MARCHF1: variants seen among roughly 807,000 people sequenced by gnomAD.
MARCHF1 encodes E3 ubiquitin-protein ligase MARCHF1.
Under a neutral mutation model 54.2 loss-of-function variants are expected in MARCHF1, and 40 were observed. That is an observed-to-expected ratio of 0.74 (90% CI 0.57 to 0.96). The LOEUF (loss-of-function observed/expected upper bound fraction) is 0.96. Among genes scored for constraint, MARCHF1 ranks in the 40% least tolerant of loss-of-function variants. The pLI, the probability that MARCHF1 is intolerant of heterozygous loss-of-function variation, is 0.00. For missense variants in MARCHF1, 586 were observed against 656.5 expected (o/e 0.89, Z 1.17); for synonymous variants, 236 against 236.3 (o/e 1.00, Z 0.01).
intron 3 of MARCHF1, among the ~76,000 whole-genome samples, chr4:163,874,723 G>A (rs868523020): frequency 2.6e-5 from 4 of 152,094 alleles, no homozygotes; most frequent in Non-Finnish European, 4.4e-5. Flanking sequence ...TATGGGCCGA[G>A]CTATATTTTC....
At chr4:164,117,143 A>G (rs1755954756) in intron 1 of MARCHF1, among the ~76,000 whole-genome samples, 1 of 152,028 alleles carries the variant, frequency 6.6e-6, no homozygotes. Flanking sequence ...CTGTAATCCC[A>G]GCTACTTGGG....
intron 4 of MARCHF1, among the ~76,000 whole-genome samples, chr4:163,710,547 T>C (rs1745078279): frequency 6.6e-6 from 1 of 152,136 alleles, no homozygotes; most frequent in Admixed American, 6.6e-5. Flanking sequence ...TACACACTTA[T>C]AAAAGACTCT....
intron 1 of MARCHF1, among the ~76,000 whole-genome samples, chr4:164,123,037 G>C (rs1442128463): frequency 6.6e-6 from 1 of 152,098 alleles, no homozygotes; most frequent in African/African-American, 2.4e-5. Context: ...GTTTTCAGAT[G>C]ATATGATCTT....
At chr4:163,855,739 G>T (rs1285053985) in intron 3 of MARCHF1, among the ~76,000 whole-genome samples, 1 of 152,048 alleles carries the variant, frequency 6.6e-6, no homozygotes, top group Non-Finnish European at 1.5e-5. Flanking sequence ...GAACATAATT[G>T]TGTGGCCCAC....
chr4:163,812,574 A>G (rs923928414), intron 4 of MARCHF1, among the ~76,000 whole-genome samples: 2 of 152,100 alleles, frequency 1.3e-5, no homozygotes, highest in African/African-American at 4.8e-5. Context: ...CCTGGCCAAC[A>G]TGGTGAAACC....
chr4:164,325,763 GAAA>G (rs1735262605), intron 1 of MARCHF1, among the ~76,000 whole-genome samples: 1 of 151,366 alleles, frequency 6.6e-6, no homozygotes, highest in African/African-American at 2.4e-5. Context: ...CAGTGCTCAA[GAAA>G]GAAAACCTAA....
intron 5 of MARCHF1, among the ~76,000 whole-genome samples, chr4:163,670,377 T>G (rs1743691496): frequency 7.9e-6 from 1 of 126,528 alleles, no homozygotes; most frequent in South Asian, 2.5e-4. Flanking sequence ...TATCTATCTA[T>G]CTATCTGTCT....
At chr4:164,145,487 C>G (rs1729656228) in intron 1 of MARCHF1, among the ~76,000 whole-genome samples, 1 of 151,926 alleles carries the variant, frequency 6.6e-6, no homozygotes, top group African/African-American at 2.4e-5. Flanking sequence ...ATCAAGTGGG[C>G]TTCATCCCTG....
At chr4:163,558,470 T>C (rs1216108301) in intron 8 of MARCHF1, among the ~76,000 whole-genome samples, 1 of 152,200 alleles carries the variant, frequency 6.6e-6, no homozygotes, top group Non-Finnish European at 1.5e-5. Context: ...GGCTTCAGGA[T>C]GGGTCTTCTG....
chr4:163,856,446 T>C (rs1208047123), intron 3 of MARCHF1, among the ~76,000 whole-genome samples: 1 of 152,188 alleles, frequency 6.6e-6, no homozygotes, highest in Admixed American at 6.5e-5. Flanking sequence ...TAGTTTGAAC[T>C]TATTGGAATG....
intron 4 of MARCHF1, among the ~76,000 whole-genome samples, chr4:163,717,567 G>A (rs775049870): frequency 2.4e-3 from 357 of 149,142 alleles, no homozygotes; most frequent in African/African-American, 8.5e-3. Flanking sequence ...TTGAGGAATC[G>A]CCACACTGAC....
intron 1 of MARCHF1, among the ~76,000 whole-genome samples, chr4:164,354,198 G>A (rs1309140924): frequency 1.8e-5 from 2 of 112,914 alleles, no homozygotes; most frequent in Non-Finnish European, 3.9e-5. Flanking sequence ...GGAGGAACTG[G>A]TACCATTCGT....
chr4:163,942,083 A>G (rs575672257), intron 3 of MARCHF1, among the ~76,000 whole-genome samples: 4 of 152,300 alleles, frequency 2.6e-5, no homozygotes, highest in African/African-American at 9.6e-5. Flanking sequence ...TTTCATGAAC[A>G]ATAAAACAGC....
chr4:163,992,856 TTAAGTTATTTCTGAAAA>T (rs1752994628), intron 2 of MARCHF1, among the ~76,000 whole-genome samples: 3 of 151,240 alleles, frequency 2.0e-5, no homozygotes, highest in African/African-American at 7.3e-5. Context: ...GATAAGAACC[TTAAGTTATTTCTGAAAA>T]TAGAAACAAG....
At chr4:163,997,150 G>A (rs190977970) in intron 2 of MARCHF1, among the ~76,000 whole-genome samples, 3 of 152,002 alleles carry the variant, frequency 2.0e-5, no homozygotes, top group South Asian at 2.1e-4. Context: ...TGCAGTGAGG[G>A]CCAAGAGCAG....
intron 1 of MARCHF1, among the ~76,000 whole-genome samples, chr4:164,187,375 T>C (rs1291449145): frequency 6.6e-6 from 1 of 152,148 alleles, no homozygotes; most frequent in Non-Finnish European, 1.5e-5. Context: ...TTCTCTAAAG[T>C]GGAGGATGAG....
rs1218640774 is a variant in MARCHF1 at position 163,526,665 on chromosome 4, G to GTTAA, written c.*2079_*2082dup. ...TTAAGGTCCACATGTTTTTTAAAAC[G>GTTAA]TTAATTACTTATATCCTTATTTATA... On this transcript the variant is annotated 3_prime_UTR_variant, in exon 10 of 10. Coordinates refer to ENST00000514618, the MANE Select transcript of MARCHF1 (RefSeq NM_001394959.1). 6.6e-6 allele frequency: 1 copy of GTTAA among 151,796 alleles called. No homozygotes were observed. Among genetic ancestry groups the GTTAA allele is most frequent in the Non-Finnish European group, 1.5e-5 (1 of 67,854 alleles). 9.4% of individuals were successfully genotyped at this position (151,796 alleles called of 1,614,324 possible).
At chr4:164,313,002 C>T (rs998781477) in intron 1 of MARCHF1, among the ~76,000 whole-genome samples, 2 of 149,366 alleles carry the variant, frequency 1.3e-5, no homozygotes, top group Non-Finnish European at 2.9e-5. Flanking sequence ...ATTAAGGATG[C>T]CTTGTCTTTC....
At chr4:164,101,119 C>A (rs993839830) in intron 2 of MARCHF1, among the ~76,000 whole-genome samples, 1 of 152,200 alleles carries the variant, frequency 6.6e-6, no homozygotes, top group African/African-American at 2.4e-5. Context: ...CCTACGCCCA[C>A]GGAGTCTTGC....
Sources: gnomAD v4.1 joint callset for allele counts (sites outside exome capture counted in the v4.1 genomes callset) on GRCh38, gnomAD v4.1.1 for gene constraint, MANE v1.5 for transcripts, NCBI Gene and HGNC (gene_info 2026-07-23, HGNC 2026-07-21) for gene names.